The following PEPD variants were observed in gnomAD, a reference collection of about 807,000 sequenced individuals.
The protein encoded by PEPD is peptidase D, also known as xaa-Pro dipeptidase.
Under a neutral mutation model 60.7 loss-of-function variants are expected in PEPD, and 53 were observed. The observed-to-expected ratio is 0.87, with a 90% CI of 0.70 to 1.10. The LOEUF is 1.10. Ranked by LOEUF, PEPD falls within the 50% of genes least tolerant of loss-of-function variation. The pLI is 0.00. For synonymous variants in PEPD, 267 were observed against 284.1 expected, an observed-to-expected ratio of 0.94 and a Z score of 0.60; for missense variants, 711 against 711.9, an observed-to-expected ratio of 1.00 and a Z score of 0.01.
intron 9 of PEPD, among the ~76,000 whole-genome samples, chr19:33,455,368 T>C (rs1969776324): frequency 6.6e-6 from 1 of 152,014 alleles, no homozygotes; most frequent in Admixed American, 6.6e-5. Flanking sequence ...AGGGAGATGC[T>C]GAAAAGGCAG....
chr19:33,483,278 C>T (rs1368387320), intron 6 of PEPD, among the ~76,000 whole-genome samples: 1 of 152,074 alleles, frequency 6.6e-6, no homozygotes, highest in Non-Finnish European at 1.5e-5. Flanking sequence ...TTGAAGAAAG[C>T]AATGAAATAA....
intron 3 of PEPD, among the ~76,000 whole-genome samples, chr19:33,506,451 TCA>T (rs1970813562): frequency 2.1e-5 from 2 of 93,578 alleles, no homozygotes; most frequent in African/African-American, 8.6e-5. Flanking sequence ...CACAACACAC[TCA>T]CACCCACCAC....
At chr19:33,453,460 G>A (rs1296835088) in intron 9 of PEPD, among the ~76,000 whole-genome samples, 1 of 152,188 alleles carries the variant, frequency 6.6e-6, no homozygotes, top group Admixed American at 6.5e-5. Context: ...GAAATTGAAG[G>A]TTTGTGGCAA....
rs1029126929 is a variant in PEPD at position 33,413,572 on chromosome 19, T to C, written c.740+3A>G. On this transcript the variant is annotated splice_donor_region_variant and intron_variant, in intron 10 of 14. Transcript: ENST00000244137. The stretch of plus-strand genomic sequence containing the variant: ...CCCAGGGGAGCCAGGGTGCCCCGCT[T>C]ACCTGCCGCAGATGCAGGTGTAGGA... The C allele has an allele frequency of 6.4e-7, 1 of 1,553,500 alleles. No individual in the cohort carries two copies. The highest frequency in any genetic ancestry group is 8.8e-7 in the Non-Finnish European group (1 of 1,142,734).
chr19:33,397,776 AC>A (rs1377271879), intron 12 of PEPD, among the ~76,000 whole-genome samples: 1 of 151,924 alleles, frequency 6.6e-6, no homozygotes, highest in African/African-American at 2.4e-5. Flanking sequence ...GGCCCCAGAC[AC>A]CCCTGCCAGG....
At chr19:33,444,962 G>C (rs1423147425) in intron 9 of PEPD, among the ~76,000 whole-genome samples, 1 of 152,156 alleles carries the variant, frequency 6.6e-6, no homozygotes, top group Non-Finnish European at 1.5e-5. Context: ...GTGTGTCCAG[G>C]CTGAGGCCAG....
intron 7 of PEPD, among the ~76,000 whole-genome samples, chr19:33,465,197 C>T (rs1969997930): frequency 6.6e-6 from 1 of 152,202 alleles, no homozygotes; most frequent in Admixed American, 6.5e-5. Flanking sequence ...AGCCTGCAGA[C>T]ACCACGTCAT....
intron 7 of PEPD, among the ~76,000 whole-genome samples, chr19:33,475,062 CTG>C: frequency 6.6e-6 from 1 of 151,858 alleles, no homozygotes. Flanking sequence ...GGTGAGGAAA[CTG>C]AGGCTGGGTG....
At chr19:33,439,432 T>C (rs1969442918) in intron 9 of PEPD, among the ~76,000 whole-genome samples, 1 of 152,098 alleles carries the variant, frequency 6.6e-6, no homozygotes, top group Admixed American at 6.5e-5. Context: ...CGGGTCCGAG[T>C]AAAGACTCCT....
chr19:33,435,288 C>A (rs537613713), intron 9 of PEPD, among the ~76,000 whole-genome samples: 5 of 151,996 alleles, frequency 3.3e-5, no homozygotes, highest in Non-Finnish European at 7.4e-5. Flanking sequence ...TCAGCTGGGA[C>A]GCAACCTGAG....
intron 12 of PEPD, among the ~76,000 whole-genome samples, chr19:33,400,838 G>C (rs937272255): frequency 6.6e-6 from 1 of 152,184 alleles, no homozygotes; most frequent in Non-Finnish European, 1.5e-5. Context: ...GCTGGGGTTC[G>C]ATCCTGTGGG....
chr19:33,468,233 G>A (rs529557006), intron 7 of PEPD, among the ~76,000 whole-genome samples: 1 of 152,270 alleles, frequency 6.6e-6, no homozygotes, highest in Admixed American at 6.5e-5. Context: ...TACTAAAGAT[G>A]ACTTACCTGC....
At chr19:33,514,357 T>A (rs1409126736) in intron 1 of PEPD, among the ~76,000 whole-genome samples, 1 of 151,768 alleles carries the variant, frequency 6.6e-6, no homozygotes, top group East Asian at 2.0e-4. Context: ...CACACTCACC[T>A]CACATGGGAC....
intron 9 of PEPD, among the ~76,000 whole-genome samples, chr19:33,441,736 C>T (rs1740272031): frequency 6.6e-6 from 1 of 152,208 alleles, no homozygotes; most frequent in Admixed American, 6.5e-5. Context: ...TGAGCCCCTT[C>T]CCAGGCAGTC....
intron 6 of PEPD, among the ~76,000 whole-genome samples, chr19:33,482,887 A>C (rs942847086): frequency 1.3e-5 from 2 of 152,232 alleles, no homozygotes; most frequent in African/African-American, 4.8e-5. Flanking sequence ...AAGATATAGA[A>C]GATATAAACA....
intron 1 of PEPD, among the ~76,000 whole-genome samples, chr19:33,518,341 C>CA (rs1478685347): frequency 6.6e-6 from 1 of 152,164 alleles, no homozygotes; most frequent in Non-Finnish European, 1.5e-5. Flanking sequence ...CCGTCCCTAG[C>CA]CCCCAGTCGG....
intron 7 of PEPD, among the ~76,000 whole-genome samples, chr19:33,470,582 T>C (rs368920215): frequency 6.6e-6 from 1 of 152,048 alleles, no homozygotes; most frequent in Non-Finnish European, 1.5e-5. Context: ...CTCTAACACT[T>C]AGAATTCTTT....
At chr19:33,414,214 G>A (rs1361943035) in intron 9 of PEPD, among the ~76,000 whole-genome samples, 1 of 152,170 alleles carries the variant, frequency 6.6e-6, no homozygotes. Flanking sequence ...GCAAGGCCTG[G>A]GGCACACATC....
At chr19:33,495,925 G>A (rs1458549765) in intron 4 of PEPD, among the ~76,000 whole-genome samples, 1 of 152,118 alleles carries the variant, frequency 6.6e-6, no homozygotes, top group Admixed American at 6.6e-5. Context: ...AGGTTTCAGT[G>A]AGTCGTGACT....
Sources: allele counts gnomAD v4.1 joint callset (sites outside exome capture counted in the v4.1 genomes callset), GRCh38; gene constraint gnomAD v4.1.1; transcripts MANE v1.5; gene names NCBI Gene and HGNC (gene_info 2026-07-23, HGNC 2026-07-21).